The following HEATR4 variants were observed in gnomAD, a reference collection of about 807,000 sequenced individuals.
The protein encoded by HEATR4 is HEAT repeat containing 4, also known as HEAT repeat-containing protein 4.
Under a neutral mutation model 108.8 loss-of-function variants are expected in HEATR4, and 95 were observed. The observed-to-expected ratio is 0.87, with a 90% CI of 0.74 to 1.04. The LOEUF is 1.04. Ranked by LOEUF, HEATR4 falls within the 50% of genes least tolerant of loss-of-function variation. The pLI is 0.00. For synonymous variants in HEATR4, 443 were observed against 459.4 expected (o/e 0.96, Z 0.46); for missense variants, 1,152 against 1,253.8 (o/e 0.92, Z 1.23).
At chr14:73,585,941 G>A in the HEATR4 span, among the ~76,000 whole-genome samples, 2 of 145,938 alleles carry the variant, frequency 1.4e-5, no homozygotes, top group Non-Finnish European at 3.0e-5. Context: ...CCTGGGAGGT[G>A]GAGGCTGCAG....
intron 16 of HEATR4, 36 bp from the exon 17 acceptor site, chr14:73,493,160 A>G (rs1485852395): frequency 1.9e-6 from 3 of 1,562,854 alleles, no homozygotes; most frequent in African/African-American, 1.4e-5. Context: ...TTGGAGGTGG[A>G]AAAAAAACCC....
chr14:73,607,005 T>C, the HEATR4 span, among the ~76,000 whole-genome samples: 731 of 152,248 alleles, frequency 4.8e-3, 8 homozygotes, highest in African/African-American at 0.016. Flanking sequence ...AACGTCAAGC[T>C]CTCAAGGTCA....
Position 73,508,230 on chromosome 14 carries a change from A to G in HEATR4, c.1785T>C (p.Pro595=), listed in dbSNP as rs780716403. The change falls in exon 9 of 18, where the codon CCT becomes CCC. Residue 595 remains proline (P), a synonymous_variant. Coordinates refer to ENST00000553558, the MANE Select transcript of HEATR4 (RefSeq NM_001220484.1). ...GCTGGTGGAGGATCCTCTTAATCAC[A>G]GGGTAAGTAGCAGTACCTTCCAGAG... ...CLALEGTATY[P]VIKRILHQLF... is the part of the protein sequence containing the mutation. 3 of 1,613,972 alleles carry G rather than the reference A, an allele frequency of 1.9e-6. No individual in the cohort carries two copies. Among genetic ancestry groups the G allele is most frequent in the East Asian group, 2.2e-5 (1 of 44,874 alleles).
At chr14:73,586,057 G>C in the HEATR4 span, among the ~76,000 whole-genome samples, 2 of 147,790 alleles carry the variant, frequency 1.4e-5, no homozygotes, top group African/African-American at 4.9e-5. Context: ...AAACCAGTAT[G>C]ATTTCTTTTC....
chr14:73,497,371 C>T (rs186656463), intron 14 of HEATR4, among the ~76,000 whole-genome samples: 5 of 152,206 alleles, frequency 3.3e-5, no homozygotes, highest in Admixed American at 2.0e-4. Context: ...CCAATAGGTA[C>T]CATTTACTGA....
the HEATR4 span, among the ~76,000 whole-genome samples, chr14:73,625,415 G>A: frequency 6.6e-6 from 1 of 151,804 alleles, no homozygotes; most frequent in African/African-American, 2.4e-5. Flanking sequence ...AGGCTGGAGT[G>A]CAGTGGCACG....
At chr14:73,627,719 C>T in the HEATR4 span, among the ~76,000 whole-genome samples, 3 of 152,090 alleles carry the variant, frequency 2.0e-5, no homozygotes, top group South Asian at 4.1e-4. Flanking sequence ...CATCTAGGCA[C>T]GATTGATTAA....
At chr14:73,495,446 A>T in intron 15 of HEATR4, 59 bp from the exon 16 acceptor site, 1 of 1,397,692 alleles carries the variant, frequency 7.2e-7, no homozygotes, top group Admixed American at 2.0e-5. Flanking sequence ...TAGGCAGCAA[A>T]TTATCAAAAA....
the HEATR4 span, among the ~76,000 whole-genome samples, chr14:73,600,420 A>G: frequency 6.6e-6 from 1 of 151,928 alleles, no homozygotes; most frequent in African/African-American, 2.4e-5. Flanking sequence ...TCCAGCTCAT[A>G]GTGGAACTGG....
At chr14:73,612,524 C>G in the HEATR4 span, 1 of 1,187,084 alleles carries the variant, frequency 8.4e-7, no homozygotes, top group Non-Finnish European at 1.1e-6. Flanking sequence ...GCCAGGCCCG[C>G]CCACTGACTC....
chr14:73,491,484 C>T (rs1885735646), intron 17 of HEATR4: 2 of 1,498,874 alleles, frequency 1.3e-6, no homozygotes, highest in South Asian at 1.3e-5. Flanking sequence ...CAACACTTAG[C>T]GGCCGTCCAG....
the HEATR4 span, chr14:73,568,959 T>C: frequency 2.0e-6 from 1 of 496,260 alleles, no homozygotes; most frequent in Non-Finnish European, 3.6e-6. Flanking sequence ...TCTGCATTCC[T>C]CTTCGCCATC....
chr14:73,530,794 A>ATTTTTTTTT (rs59208614), intron 1 of HEATR4, among the ~76,000 whole-genome samples: 2 of 57,788 alleles, frequency 3.5e-5, no homozygotes, highest in Non-Finnish European at 6.4e-5. Context: ...TCTCGGTTAA[A>ATTTTTTTTT]TTTTTTTTTT....
chr14:73,594,435 TGGCTCAGC>T, the HEATR4 span, among the ~76,000 whole-genome samples: 112,026 of 151,020 alleles, frequency 0.74, 41,877 homozygotes, highest in East Asian at 0.91. Context: ...ATGGGATCTG[TGGCTCAGC>T]GGCTCAGCGG....
At chr14:73,576,049 A>T in the HEATR4 span, among the ~76,000 whole-genome samples, 1 of 152,008 alleles carries the variant, frequency 6.6e-6, no homozygotes, top group South Asian at 2.1e-4. Context: ...GCTACTTGGG[A>T]GGCTGAGGCA....
chr14:73,615,074 G>A, the HEATR4 span, among the ~76,000 whole-genome samples: 1 of 128,336 alleles, frequency 7.8e-6, no homozygotes, highest in South Asian at 2.7e-4. Flanking sequence ...GGAGGACAGA[G>A]CAAGACTCCA....
intron 1 of HEATR4, among the ~76,000 whole-genome samples, chr14:73,532,305 A>G (rs1888730176): frequency 8.6e-6 from 1 of 116,048 alleles, no homozygotes; most frequent in African/African-American, 2.8e-5. Flanking sequence ...TGGCTAGATT[A>G]TTAGCCATTA....
chr14:73,514,442 G>C (rs1361452475), intron 5 of HEATR4, among the ~76,000 whole-genome samples: 1 of 152,106 alleles, frequency 6.6e-6, no homozygotes, highest in African/African-American at 2.4e-5. Context: ...GGTAAGCCAT[G>C]ATGATGATGG....
At chr14:73,545,658 A>G (rs573576187) in intron 1 of HEATR4, among the ~76,000 whole-genome samples, 1 of 78,586 alleles carries the variant, frequency 1.3e-5, no homozygotes, top group African/African-American at 4.0e-5. Context: ...ACAACACAAA[A>G]TTTCAAGTCA....
Sources: allele counts gnomAD v4.1 joint callset (sites outside exome capture counted in the v4.1 genomes callset), GRCh38; gene constraint gnomAD v4.1.1; transcripts MANE v1.5; gene names NCBI Gene and HGNC (gene_info 2026-07-23, HGNC 2026-07-21).